GALNT17: variants seen among roughly 807,000 people sequenced by gnomAD.
GALNT17 encodes UDP-GalNAc:polypeptide N-acetylgalactosaminyltransferase-like 3.
GALNT17 carries 29 observed loss-of-function variants against 63.7 expected under a neutral mutation model. The ratio of observed to expected loss-of-function variants is 0.46; its 90% CI spans 0.34 to 0.62. GALNT17 has a LOEUF of 0.62. Among genes scored for constraint, GALNT17 ranks in the 20% least tolerant of loss-of-function variants. The pLI, the probability that GALNT17 is intolerant of heterozygous loss-of-function variation, is 0.01. For synonymous variants in GALNT17, 305 were observed against 318.3 expected (o/e 0.96, Z 0.45); for missense variants, 603 against 799.6 (o/e 0.75, Z 2.97).
chr7:71,703,242 A>T lies in GALNT17; in HGVS notation c.1501-7519A>T, dbSNP rs148570560. Among the ~76,000 whole-genome samples, 1,163 of 152,270 alleles carry T rather than the reference A, an allele frequency of 7.6e-3. 17 individuals carry two copies. Among genetic ancestry groups the T allele is most frequent in the African/African-American group, 0.022 (932 of 41,548 alleles). ...TTGCCTTGTTTTAAAGAAATACTGG[A>T]GACTGGGTAATTTATAAAGAAAAGA... On this transcript the variant is annotated intron_variant, in intron 9 of 10. Coordinates refer to ENST00000333538, the MANE Select transcript of GALNT17 (RefSeq NM_022479.3).
intron 5 of GALNT17, among the ~76,000 whole-genome samples, chr7:71,427,482 G>A (rs753455094): frequency 6.6e-6 from 1 of 151,958 alleles, no homozygotes; most frequent in Non-Finnish European, 1.5e-5. Flanking sequence ...CACCACATTG[G>A]GGTGTAGGAA....
intron 5 of GALNT17, among the ~76,000 whole-genome samples, chr7:71,560,116 T>A (rs1293320893): frequency 3.6e-5 from 5 of 137,336 alleles, no homozygotes; most frequent in Non-Finnish European, 7.6e-5. Flanking sequence ...ATCGCTTGAA[T>A]CCGGGAGGCG....
At chr7:71,313,871 A>G (rs1791454671) in intron 1 of GALNT17, among the ~76,000 whole-genome samples, 1 of 152,154 alleles carries the variant, frequency 6.6e-6, no homozygotes, top group Admixed American at 6.6e-5. Context: ...TTAAAAGGAA[A>G]TTAAATGTGA....
chr7:71,260,685 C>T (rs1790370126), intron 1 of GALNT17, among the ~76,000 whole-genome samples: 1 of 151,638 alleles, frequency 6.6e-6, no homozygotes, highest in Non-Finnish European at 1.5e-5. Flanking sequence ...TCTCTGTACT[C>T]CTGGGCTCAA....
intron 1 of GALNT17, among the ~76,000 whole-genome samples, chr7:71,190,059 C>G (rs1178557246): frequency 6.6e-6 from 1 of 152,092 alleles, no homozygotes; most frequent in East Asian, 1.9e-4. Context: ...GATCTGCCCA[C>G]CTTGGCCTCC....
intron 6 of GALNT17, among the ~76,000 whole-genome samples, chr7:71,658,055 C>T (rs1191800894): frequency 2.6e-5 from 4 of 152,058 alleles, no homozygotes; most frequent in African/African-American, 9.7e-5. Flanking sequence ...CCGCCATGTG[C>T]CACCACACCT....
At chr7:71,551,540 G>A (rs897641278) in intron 5 of GALNT17, among the ~76,000 whole-genome samples, 2 of 152,048 alleles carry the variant, frequency 1.3e-5, no homozygotes, top group African/African-American at 4.8e-5. Flanking sequence ...AGAGATGTTA[G>A]CTACTGTGTT....
intron 6 of GALNT17, among the ~76,000 whole-genome samples, chr7:71,581,773 G>A (rs1466235072): frequency 1.3e-5 from 2 of 152,166 alleles, no homozygotes; most frequent in African/African-American, 4.8e-5. Context: ...GACATGAGTA[G>A]TTCCATTTTA....
intron 6 of GALNT17, among the ~76,000 whole-genome samples, chr7:71,637,630 T>C (rs897918956): frequency 1.3e-5 from 2 of 151,788 alleles, no homozygotes; most frequent in Non-Finnish European, 2.9e-5. Context: ...GATGGAACCA[T>C]GGGAACAGGG....
intron 5 of GALNT17, among the ~76,000 whole-genome samples, chr7:71,478,618 A>G (rs1372381408): frequency 6.6e-6 from 1 of 152,136 alleles, no homozygotes; most frequent in Non-Finnish European, 1.5e-5. Context: ...ACCCAGCCTG[A>G]GTCCTGCCTT....
intron 5 of GALNT17, 31 bp downstream of exon 5, chr7:71,421,136 G>A (rs368686888): frequency 5.6e-6 from 9 of 1,611,430 alleles, no homozygotes; most frequent in African/African-American, 4.0e-5. Flanking sequence ...GGCGGCCAAC[G>A]AGCCCCCAAA....
chr7:71,637,690 G>A (rs1394988639), intron 6 of GALNT17, among the ~76,000 whole-genome samples: 1 of 152,088 alleles, frequency 6.6e-6, no homozygotes, highest in African/African-American at 2.4e-5. Flanking sequence ...TTGGGACATA[G>A]CTCAGCACTG....
At chr7:71,215,151 G>C (rs574993806) in intron 1 of GALNT17, among the ~76,000 whole-genome samples, 49 of 152,274 alleles carry the variant, frequency 3.2e-4, no homozygotes, top group African/African-American at 1.1e-3. Context: ...AATGCCAAGT[G>C]TTCTCTGCAT....
At chr7:71,690,261 A>G (rs1791422215) in intron 9 of GALNT17, among the ~76,000 whole-genome samples, 1 of 151,902 alleles carries the variant, frequency 6.6e-6, no homozygotes, top group Non-Finnish European at 1.5e-5. Context: ...CTTGACTTCA[A>G]GATCCACCCT....
chr7:71,517,422 G>A (rs1218264995), intron 5 of GALNT17, among the ~76,000 whole-genome samples: 1 of 152,170 alleles, frequency 6.6e-6, no homozygotes, highest in African/African-American at 2.4e-5. Context: ...GAATTTTGGA[G>A]CACACAAACA....
At chr7:71,199,533 TCCA>T (rs1412762392) in intron 1 of GALNT17, among the ~76,000 whole-genome samples, 5 of 136,702 alleles carry the variant, frequency 3.7e-5, no homozygotes, top group Admixed American at 1.4e-4. Flanking sequence ...CATCCATCCA[TCCA>T]TCCATCCATC....
chr7:71,156,052 C>T (rs1788228934), intron 1 of GALNT17, among the ~76,000 whole-genome samples: 1 of 151,690 alleles, frequency 6.6e-6, no homozygotes, highest in African/African-American at 2.4e-5. Flanking sequence ...CAAAATTAGC[C>T]AGGCGTGGTG....
At chr7:71,249,042 T>A (rs1416843057) in intron 1 of GALNT17, among the ~76,000 whole-genome samples, 1 of 152,220 alleles carries the variant, frequency 6.6e-6, no homozygotes, top group Non-Finnish European at 1.5e-5. Context: ...TAATCACCAT[T>A]GTCATTATAA....
At chr7:71,206,880 C>T (rs1345264783) in intron 1 of GALNT17, among the ~76,000 whole-genome samples, 1 of 152,074 alleles carries the variant, frequency 6.6e-6, no homozygotes, top group African/African-American at 2.4e-5. Context: ...CCAAGACGGG[C>T]GGATCACGAG....
Sources: allele counts gnomAD v4.1 joint callset (sites outside exome capture counted in the v4.1 genomes callset), GRCh38; gene constraint gnomAD v4.1.1; transcripts MANE v1.5; gene names NCBI Gene and HGNC (gene_info 2026-07-23, HGNC 2026-07-21).